The following KIF3B variants were observed in gnomAD, a reference collection of about 807,000 sequenced individuals.
KIF3B encodes the protein kinesin family member 3B.
In KIF3B, 38 loss-of-function variants were observed where a neutral mutation model predicts 74.3. That is an observed-to-expected ratio of 0.51 (90% CI 0.39 to 0.67). The LOEUF (loss-of-function observed/expected upper bound fraction) is 0.67. Ranked by LOEUF, KIF3B falls within the 30% of genes least tolerant of loss-of-function variation. The pLI, the probability that KIF3B is intolerant of heterozygous loss-of-function variation, is 0.00. For missense variants in KIF3B, 649 were observed against 932.0 expected (o/e 0.70, Z 3.95); for synonymous variants, 326 against 342.5 (o/e 0.95, Z 0.53).
intron 5 of KIF3B, among the ~76,000 whole-genome samples, chr20:32,325,394 T>G (rs1451484289): frequency 6.6e-6 from 1 of 151,984 alleles, no homozygotes; most frequent in Non-Finnish European, 1.5e-5. Flanking sequence ...TTTGCCATGT[T>G]TATCAGGCTG....
rs59238171 is a variant in KIF3B, at chr20:32,321,380, G to T, written c.1748+4506G>T. 2.9e-3 allele frequency among the ~76,000 whole-genome samples: 433 copies of T among 150,486 alleles called. 7 individuals carry two copies. The highest frequency in any genetic ancestry group is 0.015 in the East Asian group (76 of 5,156). On this transcript the variant is annotated intron_variant, in intron 5 of 8. Coordinates refer to ENST00000375712, the MANE Select transcript of KIF3B (RefSeq NM_004798.4). ...GGAGGTGTAGGTTGCAGTGAGCTGAGATCATGCCACTGTACTCCAGCCTGG... is the reference window on the plus strand; with the variant it reads ...GGAGGTGTAGGTTGCAGTGAGCTGATATCATGCCACTGTACTCCAGCCTGG...
rs545695608 is a variant in KIF3B at position 32,277,740 on chromosome 20, C to T, written c.-91C>T. 31 of 266,012 alleles carry T rather than the reference C, an allele frequency of 1.2e-4. 1 individual carries two copies. Among genetic ancestry groups the T allele is most frequent in the Admixed American group, 7.2e-4 (13 of 17,970 alleles). The allele number at this position is 266,012 out of a possible 1,614,324, so 16.5% of individuals were successfully genotyped here. A position where few individuals can be genotyped will look rare whatever the true frequency, so the allele number is the denominator to read the frequency against. On this transcript the variant is annotated 5_prime_UTR_variant, in exon 1 of 9. Transcript: ENST00000375712. ...GCCGCCGCCGCCGCCGCCGCCGCCG[C>T]CGCCCGCTTTCGGCTCGGGCCTCAG...
intron 2 of KIF3B, among the ~76,000 whole-genome samples, chr20:32,315,383 C>T (rs1342010030): frequency 6.6e-6 from 1 of 152,144 alleles, no homozygotes; most frequent in African/African-American, 2.4e-5. Flanking sequence ...GCCCTGCAGA[C>T]AGAAAGCTTT....
chr20:32,289,772 G>A (rs560909101), intron 1 of KIF3B, among the ~76,000 whole-genome samples: 6 of 152,176 alleles, frequency 3.9e-5, no homozygotes, highest in Non-Finnish European at 5.9e-5. Context: ...TAGACATGGC[G>A]AAAATTGTCC....
At chr20:32,329,647 A>G (rs1220085688) in intron 7 of KIF3B, among the ~76,000 whole-genome samples, 1 of 152,192 alleles carries the variant, frequency 6.6e-6, no homozygotes, top group South Asian at 2.1e-4. Context: ...CAACGTATTA[A>G]GTTATAGAGT....
At chr20:32,318,910 G>A (rs2047842109) in intron 5 of KIF3B, among the ~76,000 whole-genome samples, 1 of 151,492 alleles carries the variant, frequency 6.6e-6, no homozygotes, top group African/African-American at 2.4e-5. Context: ...CAAACTGTTT[G>A]CCACAGTGGC....
intron 2 of KIF3B, among the ~76,000 whole-genome samples, chr20:32,315,435 T>C (rs1338886695): frequency 6.6e-6 from 1 of 152,196 alleles, no homozygotes; most frequent in Non-Finnish European, 1.5e-5. Context: ...GACTGGGCGC[T>C]GTGCTCATGC....
intron 1 of KIF3B, among the ~76,000 whole-genome samples, chr20:32,298,925 T>C (rs2047728815): frequency 6.6e-6 from 1 of 152,160 alleles, no homozygotes; most frequent in Admixed American, 6.6e-5. Flanking sequence ...CCTACCAAAG[T>C]GCTGCAGTTA....
chr20:32,320,889 T>C (rs982199959), intron 5 of KIF3B, among the ~76,000 whole-genome samples: 1 of 152,190 alleles, frequency 6.6e-6, no homozygotes, highest in Admixed American at 6.5e-5. Context: ...TTGGGTGTTA[T>C]GAATAATGCT....
At position 32,299,392 on chromosome 20, in the gene KIF3B, TATA is replaced by T. The variant is rs1180980186; in HGVS notation, c.-65-10320_-65-10318del. ...AATGGTGTGTGTGTATATATATATA[TATA>T]TATATATATTTTTTTTTTTTTTTTT... is the stretch of plus-strand genomic sequence containing the variant. On this transcript the variant is annotated intron_variant, in intron 1 of 8. Transcript: ENST00000375712. 6.3e-4 allele frequency among the ~76,000 whole-genome samples: 30 copies of T among 47,298 alleles called. 3 individuals carry two copies. In the East Asian group the frequency reaches 0.026, roughly 42 times the overall value. 31.0% of individuals were successfully genotyped at this position (47,298 alleles called of 152,430 possible).
intron 1 of KIF3B, among the ~76,000 whole-genome samples, chr20:32,294,654 T>G (rs2047708297): frequency 6.6e-6 from 1 of 152,230 alleles, no homozygotes; most frequent in Non-Finnish European, 1.5e-5. Flanking sequence ...ATATTGCTAT[T>G]AACCATACTT....
chr20:32,299,909 C>G (rs1236392021), intron 1 of KIF3B, among the ~76,000 whole-genome samples: 2 of 151,958 alleles, frequency 1.3e-5, no homozygotes, highest in Non-Finnish European at 2.9e-5. Context: ...CTGCCTCAGC[C>G]TCCCAAGTAC....
At chr20:32,317,004 G>T in intron 5 of KIF3B, 130 bp downstream of exon 5, 1 of 693,268 alleles carries the variant, frequency 1.4e-6, no homozygotes. Context: ...GGGAAGCGGA[G>T]GCGGGCAGAT....
At chr20:32,299,799 TG>T in intron 1 of KIF3B, among the ~76,000 whole-genome samples, 1 of 152,232 alleles carries the variant, frequency 6.6e-6, no homozygotes, top group Admixed American at 6.5e-5. Flanking sequence ...TTTTTTTGTT[TG>T]TTTTTTGGGA....
chr20:32,281,452 A>G (rs1279631907), intron 1 of KIF3B, among the ~76,000 whole-genome samples: 2 of 152,256 alleles, frequency 1.3e-5, no homozygotes, highest in African/African-American at 2.4e-5. Context: ...CCTTGCTCTC[A>G]TGCAGCTTAT....
intron 2 of KIF3B, 133 bp from the exon 3 acceptor site, chr20:32,316,085 A>G (rs2047825890): frequency 3.0e-6 from 2 of 658,906 alleles, no homozygotes; most frequent in Non-Finnish European, 2.7e-6. Flanking sequence ...AGCTGAGCAC[A>G]GTGTATTTTT....
chr20:32,329,815 A>G (rs2047921599), intron 7 of KIF3B, among the ~76,000 whole-genome samples: 1 of 152,100 alleles, frequency 6.6e-6, no homozygotes, highest in South Asian at 2.1e-4. Flanking sequence ...TATTATTTTT[A>G]TAGTGAAAGA....
At chr20:32,297,296 C>A (rs1490003693) in intron 1 of KIF3B, among the ~76,000 whole-genome samples, 1 of 152,226 alleles carries the variant, frequency 6.6e-6, no homozygotes, top group Non-Finnish European at 1.5e-5. Context: ...CCACAGGTTG[C>A]ACCTCCTTGC....
Position 32,326,860 on chromosome 20 carries a change from A to G in KIF3B, c.1838A>G (p.Lys613Arg). The change falls in exon 6 of 9, where the codon AAA (lysine) becomes AGA (arginine). Residue 613 changes from lysine (K) to arginine (R), a missense_variant. Around this residue, in one of 4 missense-constraint regions of KIF3B, gnomAD observed 186 missense variants for 198.5 expected, o/e 0.94. Coordinates refer to ENST00000375712, the MANE Select transcript of KIF3B (RefSeq NM_004798.4). Reference protein sequence around the residue: ...AFFDEEEDHWKLHPITRLENQ... With the variant: ...AFFDEEEDHWRLHPITRLENQ... ...TTTGATGAAGAGGAAGATCATTGGA[A>G]ACTACATCCTATAACCAGACTGGAG... 6.3e-7 allele frequency: 1 copy of G among 1,574,910 alleles called. No individual in the cohort carries two copies. The highest frequency in any genetic ancestry group is 8.7e-7 in the Non-Finnish European group (1 of 1,147,224).
Sources: gnomAD v4.1 joint callset for allele counts (sites outside exome capture counted in the v4.1 genomes callset) on GRCh38, gnomAD v4.1.1 for gene constraint, gnomAD v4.1.1 regional missense constraint, MANE v1.5 for transcripts, NCBI Gene and HGNC (gene_info 2026-07-23, HGNC 2026-07-21) for gene names.